Variants in IMMP2L observed in about 807,000 individuals in gnomAD.
IMMP2L encodes inner mitochondrial membrane peptidase subunit 2, also known as mitochondrial inner membrane protease subunit 2.
A neutral mutation model predicts 19.3 loss-of-function variants in IMMP2L; 18 were observed. That is an observed-to-expected ratio of 0.93 (90% CI 0.64 to 1.38). The LOEUF (loss-of-function observed/expected upper bound fraction) is 1.38. Among genes scored for constraint, IMMP2L ranks in the 40% most tolerant of loss-of-function variants. IMMP2L has a pLI of 0.00. For missense variants in IMMP2L, 233 were observed against 218.2 expected, an observed-to-expected ratio of 1.07 and a Z score of -0.43; for synonymous variants, 76 against 73.0, an observed-to-expected ratio of 1.04 and a Z score of -0.21.
At chr7:111,474,393 A>G (rs1249941627) in intron 3 of IMMP2L, among the ~76,000 whole-genome samples, 3 of 152,114 alleles carry the variant, frequency 2.0e-5, no homozygotes, top group African/African-American at 7.2e-5. Flanking sequence ...ACCTCCTTGA[A>G]AATAACTAAA....
intron 3 of IMMP2L, among the ~76,000 whole-genome samples, chr7:111,076,760 G>A (rs1795450022): frequency 6.6e-6 from 1 of 152,188 alleles, no homozygotes; most frequent in Non-Finnish European, 1.5e-5. Context: ...TGGGGGCAAT[G>A]ATGTTATTGT....
intron 2 of IMMP2L, among the ~76,000 whole-genome samples, chr7:111,502,530 A>T (rs1336811799): frequency 6.6e-6 from 1 of 152,094 alleles, no homozygotes; most frequent in African/African-American, 2.4e-5. Context: ...TTTTTTCAGC[A>T]CCACACCACA....
intron 5 of IMMP2L, among the ~76,000 whole-genome samples, chr7:110,816,698 T>C (rs1802552076): frequency 1.3e-5 from 2 of 150,704 alleles, no homozygotes; most frequent in Non-Finnish European, 3.0e-5. Context: ...TCTTGTTGAA[T>C]TGATCCCTTT....
At chr7:110,892,209 C>G (rs944231541) in intron 4 of IMMP2L, among the ~76,000 whole-genome samples, 8 of 152,102 alleles carry the variant, frequency 5.3e-5, no homozygotes, top group African/African-American at 1.9e-4. Context: ...CTGGTCCGTT[C>G]CCTGAGTTTT....
At chr7:111,142,360 G>A (rs1478302032) in intron 3 of IMMP2L, among the ~76,000 whole-genome samples, 1 of 112,436 alleles carries the variant, frequency 8.9e-6, no homozygotes, top group Non-Finnish European at 1.9e-5. Flanking sequence ...AAGAAAGAAA[G>A]AAAGAAAGAA....
At chr7:111,396,530 A>G (rs934419092) in intron 3 of IMMP2L, among the ~76,000 whole-genome samples, 2 of 152,088 alleles carry the variant, frequency 1.3e-5, no homozygotes, top group African/African-American at 4.8e-5. Flanking sequence ...ATATAGCATT[A>G]GGACAAATAC....
At chr7:111,051,561 T>C (rs980795661) in intron 3 of IMMP2L, among the ~76,000 whole-genome samples, 14 of 152,226 alleles carry the variant, frequency 9.2e-5, no homozygotes, top group Admixed American at 7.9e-4. Flanking sequence ...ATTCTGAAAT[T>C]CACTATAGCT....
chr7:111,124,756 G>A, intron 3 of IMMP2L: 4 of 1,613,916 alleles, frequency 2.5e-6, no homozygotes, highest in Non-Finnish European at 3.4e-6. Flanking sequence ...ACACAGCTAT[G>A]TGAGGAATTA....
chr7:110,799,993 C>G (rs183040222), intron 5 of IMMP2L, among the ~76,000 whole-genome samples: 2 of 152,082 alleles, frequency 1.3e-5, no homozygotes, highest in African/African-American at 4.8e-5. Flanking sequence ...AATTTTAACA[C>G]AAAATTGACC....
At chr7:111,454,756 A>C (rs1839537362) in intron 3 of IMMP2L, among the ~76,000 whole-genome samples, 1 of 152,088 alleles carries the variant, frequency 6.6e-6, no homozygotes. Context: ...TTACCCAAAA[A>C]TATAATCTGG....
intron 3 of IMMP2L, among the ~76,000 whole-genome samples, chr7:111,472,716 T>G (rs1841375673): frequency 6.6e-6 from 1 of 152,216 alleles, no homozygotes; most frequent in African/African-American, 2.4e-5. Flanking sequence ...ACTTGAAACT[T>G]TAAAACTTAA....
intron 3 of IMMP2L, among the ~76,000 whole-genome samples, chr7:110,997,777 C>T (rs1585661369): frequency 6.6e-6 from 1 of 151,874 alleles, no homozygotes; most frequent in Admixed American, 6.6e-5. Flanking sequence ...CTCAGATATG[C>T]GGTTTGCAAA....
intron 3 of IMMP2L, among the ~76,000 whole-genome samples, chr7:111,357,531 C>A (rs1828838080): frequency 6.6e-6 from 1 of 152,120 alleles, no homozygotes; most frequent in Admixed American, 6.6e-5. Flanking sequence ...CATTAAAAAC[C>A]CTTCAGATGC....
intron 3 of IMMP2L, among the ~76,000 whole-genome samples, chr7:111,485,617 A>AACAAAAAAAAC (rs1842584305): frequency 6.8e-6 from 1 of 147,064 alleles, no homozygotes; most frequent in African/African-American, 2.6e-5. Context: ...AAAAAAAAAA[A>AACAAAAAAAAC]AAAAAAAACA....
At chr7:110,788,924 T>C (rs1800275299) in intron 5 of IMMP2L, among the ~76,000 whole-genome samples, 1 of 151,758 alleles carries the variant, frequency 6.6e-6, no homozygotes, top group Non-Finnish European at 1.5e-5. Flanking sequence ...AGTTATGTGA[T>C]GTCTAAGACT....
At chr7:111,087,688 G>C (rs1796475876) in intron 3 of IMMP2L, among the ~76,000 whole-genome samples, 1 of 151,950 alleles carries the variant, frequency 6.6e-6, no homozygotes. Flanking sequence ...TATGCTAAAA[G>C]GGGAAACAGG....
At chr7:111,456,703 T>C (rs1839705430) in intron 3 of IMMP2L, among the ~76,000 whole-genome samples, 1 of 150,964 alleles carries the variant, frequency 6.6e-6, no homozygotes, top group Admixed American at 6.6e-5. Context: ...GCCTAGCACA[T>C]AGTAACAGCA....
chr7:111,193,140 G>A (rs1809080459), intron 3 of IMMP2L, among the ~76,000 whole-genome samples: 1 of 152,116 alleles, frequency 6.6e-6, no homozygotes, highest in Admixed American at 6.5e-5. Flanking sequence ...TAATGTGAGG[G>A]ATTTCCTCTT....
At chr7:111,532,085 A>G (rs1847445674) in intron 1 of IMMP2L, among the ~76,000 whole-genome samples, 1 of 152,170 alleles carries the variant, frequency 6.6e-6, no homozygotes, top group African/African-American at 2.4e-5. Context: ...AGAAAAAGGT[A>G]GTAACACTCA....
Sources: gnomAD v4.1 joint callset for allele counts (sites outside exome capture counted in the v4.1 genomes callset) on GRCh38, gnomAD v4.1.1 for gene constraint, MANE v1.5 for transcripts, NCBI Gene and HGNC (gene_info 2026-07-23, HGNC 2026-07-21) for gene names.